The following PCDH15 variants were observed in gnomAD, a reference collection of about 807,000 sequenced individuals.
PCDH15 encodes protocadherin-15.
Under a neutral mutation model 178.5 loss-of-function variants are expected in PCDH15, and 129 were observed. The observed-to-expected ratio is 0.72, with a 90% CI of 0.63 to 0.84. PCDH15 has a LOEUF of 0.84. Among genes scored for constraint, PCDH15 ranks in the 40% least tolerant of loss-of-function variants. The pLI is 0.00. For synonymous variants in PCDH15, 800 were observed against 732.0 expected, an observed-to-expected ratio of 1.09 and a Z score of -1.50; for missense variants, 2,230 against 2,099.9, an observed-to-expected ratio of 1.06 and a Z score of -1.21.
chr10:53,834,428 T>G (rs1367249036), intron 29 of PCDH15, among the ~76,000 whole-genome samples: 1 of 152,190 alleles, frequency 6.6e-6, no homozygotes, highest in Non-Finnish European at 1.5e-5. Flanking sequence ...TTTTGTTTTT[T>G]AGTATTTATT....
chr10:55,013,067 C>T (rs1840084814), intron 2 of PCDH15, among the ~76,000 whole-genome samples: 1 of 152,110 alleles, frequency 6.6e-6, no homozygotes, highest in African/African-American at 2.4e-5. Flanking sequence ...TTTATTGCCC[C>T]CAAGCTGAAA....
intron 7 of PCDH15, among the ~76,000 whole-genome samples, chr10:54,318,391 G>A (rs2061404859): frequency 6.6e-6 from 1 of 152,132 alleles, no homozygotes; most frequent in Admixed American, 6.6e-5. Flanking sequence ...TTCTATTAGA[G>A]ATCAGTTCAG....
At chr10:53,970,213 G>C (rs1031115646) in intron 21 of PCDH15, among the ~76,000 whole-genome samples, 4 of 152,154 alleles carry the variant, frequency 2.6e-5, no homozygotes, top group African/African-American at 9.6e-5. Flanking sequence ...TGCAATCCTA[G>C]TCTCTGATAA....
At chr10:54,734,627 A>G (rs376954574) in intron 1 of PCDH15, among the ~76,000 whole-genome samples, 15 of 152,126 alleles carry the variant, frequency 9.9e-5, no homozygotes, top group East Asian at 9.7e-4. Flanking sequence ...CTTATTCATA[A>G]TGGTGAAAAA....
rs7914232 is a variant in PCDH15, at chr10:54,132,642, C to T, written c.1917+233G>A. ...CTCCTGTAATGATTGCAGCTAATCC[C>T]TGCCTGCCAAACGTTAGTTCTTCAA... On this transcript the variant is annotated intron_variant, in intron 15 of 37. Transcript: ENST00000644397. Among the ~76,000 whole-genome samples the T allele has an allele frequency of 0.32, 48,770 of 152,042 alleles. 9,188 individuals are homozygous for T. The highest frequency in any genetic ancestry group is 0.51 in the African/African-American group (21,279 of 41,442).
chr10:53,955,699 A>C (rs2087544925), intron 23 of PCDH15, among the ~76,000 whole-genome samples: 1 of 152,148 alleles, frequency 6.6e-6, no homozygotes. Flanking sequence ...TATTTCCCCC[A>C]AATTTGATCA....
intron 36 of PCDH15, 70 bp from the exon 37 acceptor site, chr10:53,810,734 G>A: frequency 7.3e-7 from 1 of 1,365,748 alleles, no homozygotes; most frequent in Admixed American, 1.7e-5. Context: ...TGAGTGATCT[G>A]TTTCCTTCTT....
intron 8 of PCDH15, among the ~76,000 whole-genome samples, chr10:54,241,281 A>T (rs761129017): frequency 6.6e-6 from 1 of 152,144 alleles, no homozygotes; most frequent in Non-Finnish European, 1.5e-5. Flanking sequence ...CTAGTTTTTG[A>T]CTTTACTGCC....
chr10:54,530,765 C>T (rs546072572), intron 2 of PCDH15, among the ~76,000 whole-genome samples: 2 of 152,232 alleles, frequency 1.3e-5, no homozygotes, highest in South Asian at 4.1e-4. Context: ...TTATATACTA[C>T]ATATACTTCT....
At chr10:55,556,381 C>T (rs183023123) in intron 2 of PCDH15, among the ~76,000 whole-genome samples, 108 of 152,216 alleles carry the variant, frequency 7.1e-4, no homozygotes, top group African/African-American at 2.5e-3. Flanking sequence ...TTGCCTCTAC[C>T]ATATATTGTG....
At chr10:55,408,640 A>T (rs1464588824) in intron 2 of PCDH15, among the ~76,000 whole-genome samples, 1 of 152,198 alleles carries the variant, frequency 6.6e-6, no homozygotes, top group Non-Finnish European at 1.5e-5. Flanking sequence ...CCAGAAATTT[A>T]AAAATGGTAT....
At chr10:54,359,016 TG>T (rs1421156394) in intron 5 of PCDH15, among the ~76,000 whole-genome samples, 5 of 67,958 alleles carry the variant, frequency 7.4e-5, no homozygotes, top group East Asian at 5.0e-4. Context: ...TGTTGTGGGG[TG>T]GGGGGAGGGG....
intron 2 of PCDH15, among the ~76,000 whole-genome samples, chr10:55,110,218 A>G (rs528563765): frequency 1.2e-4 from 19 of 152,160 alleles, no homozygotes; most frequent in African/African-American, 4.6e-4. Flanking sequence ...GCCCTCTTCC[A>G]TGTTATATCA....
At chr10:54,890,999 G>C (rs1215740536) in intron 3 of PCDH15, among the ~76,000 whole-genome samples, 2 of 151,956 alleles carry the variant, frequency 1.3e-5, no homozygotes, top group African/African-American at 4.8e-5. Flanking sequence ...GGAAAGAAGG[G>C]GGTCATGTTG....
intron 1 of PCDH15, among the ~76,000 whole-genome samples, chr10:54,772,873 T>C (rs1406683818): frequency 2.0e-5 from 3 of 152,148 alleles, no homozygotes; most frequent in Non-Finnish European, 4.4e-5. Flanking sequence ...CATAAATGAC[T>C]ATCAATGATA....
At position 53,855,920 on chromosome 10, in the gene PCDH15, A is replaced by ATATATGTGTGTG. The variant is rs1201156130; in HGVS notation, c.3806+1254_3806+1255insCACACACATATA. 5.0e-5 allele frequency among the ~76,000 whole-genome samples: 7 copies of ATATATGTGTGTG among 140,412 alleles called. 1 individual carries two copies. The East Asian group carries it at 1.3e-3, about 26-fold the overall frequency. 92.1% of individuals were successfully genotyped at this position (140,412 alleles called of 152,430 possible). ...AGGTGATATGTATATATATATATAT[A>ATATATGTGTGTG]TGTATGTGTGTGTGTGTAATGAAAT... On this transcript the variant is annotated intron_variant, in intron 28 of 37. Coordinates refer to ENST00000644397, the MANE Select transcript of PCDH15 (RefSeq NM_001384140.1).
intron 25 of PCDH15, among the ~76,000 whole-genome samples, chr10:53,927,767 T>C (rs2084694254): frequency 6.6e-6 from 1 of 152,154 alleles, no homozygotes; most frequent in Admixed American, 6.5e-5. Context: ...CATTTTTATC[T>C]TCTCTGCTAT....
intron 2 of PCDH15, among the ~76,000 whole-genome samples, chr10:55,455,381 T>C (rs1158643607): frequency 6.6e-6 from 1 of 152,170 alleles, no homozygotes. Context: ...CCTTAAGTTT[T>C]TTTCAAGATT....
At chr10:53,918,344 A>G (rs2083702342) in intron 25 of PCDH15, among the ~76,000 whole-genome samples, 1 of 152,210 alleles carries the variant, frequency 6.6e-6, no homozygotes, top group Non-Finnish European at 1.5e-5. Context: ...CAGAAGAGCC[A>G]GACTTCATTC....
Sources: allele counts gnomAD v4.1 joint callset (sites outside exome capture counted in the v4.1 genomes callset), GRCh38; gene constraint gnomAD v4.1.1; transcripts MANE v1.5; gene names NCBI Gene and HGNC (gene_info 2026-07-23, HGNC 2026-07-21).